RIOK3: variants seen among roughly 807,000 people sequenced by gnomAD.
RIOK3 encodes the protein serine/threonine-protein kinase RIO3.
RIOK3 carries 40 observed loss-of-function variants against 63.5 expected under a neutral mutation model. The observed-to-expected ratio is 0.63, with a 90% CI of 0.49 to 0.82. RIOK3 has a LOEUF of 0.82. Among genes scored for constraint, RIOK3 ranks in the 40% least tolerant of loss-of-function variants. The pLI is 0.00. For missense variants in RIOK3, 557 were observed against 637.0 expected (o/e 0.87, Z 1.35); for synonymous variants, 193 against 205.0 (o/e 0.94, Z 0.50).
chr18:23,481,500 AT>A lies in RIOK3; in HGVS notation c.*223del. The A allele has an allele frequency of 2.5e-6, 1 of 407,530 alleles. No individual in the cohort carries two copies. The highest frequency in any genetic ancestry group is 4.3e-6 in the Non-Finnish European group (1 of 230,936). 25.2% of individuals were successfully genotyped at this position (407,530 alleles called of 1,614,324 possible). A position where few individuals can be genotyped will look rare whatever the true frequency, so the allele number is the denominator to read the frequency against. ...CTCATCTTATGAACAGGATAATATA[AT>A]TCTTTAACAGCTATAGGTTATCTGG... On this transcript the variant is annotated 3_prime_UTR_variant, in exon 13 of 13. Transcript: ENST00000339486.
In RIOK3 at chr18:23,474,737, G is replaced by A. The variant is rs562133492; in HGVS notation, c.1014-211G>A. Among the ~76,000 whole-genome samples, 58 of 152,306 alleles carry A rather than the reference G, an allele frequency of 3.8e-4. No homozygotes were observed. In the Middle Eastern group the frequency reaches 0.01, roughly 27 times the overall value. ...AGCTCCTACCCATACCTCTGCCAGT[G>A]CGTAATTGTAATTGTCTCTTGTCTG... On this transcript the variant is annotated intron_variant, in intron 8 of 12. Transcript: ENST00000339486.
In RIOK3 at chr18:23,467,323, A is replaced by G. The variant is rs918336528; in HGVS notation, c.688-76A>G. 7 of 1,454,642 alleles carry G rather than the reference A, an allele frequency of 4.8e-6. No homozygotes were observed. In the African/African-American group the frequency reaches 1.0e-4, roughly 21 times the overall value. 90.1% of individuals were successfully genotyped at this position (1,454,642 alleles called of 1,614,324 possible). On this transcript the variant is annotated intron_variant, in intron 6 of 12. Transcript: ENST00000339486. ...GAGCAAGACTCCGTCTCAAAAAAAA[A>G]AAGTTATTAGAAGTGGCTCAGAAAA...
chr18:23,460,380 TA>T (rs1238990651), intron 1 of RIOK3, among the ~76,000 whole-genome samples: 5 of 152,228 alleles, frequency 3.3e-5, no homozygotes, highest in Non-Finnish European at 7.3e-5. Context: ...AGGGAAGCTG[TA>T]TAGCAAAATG....
intron 7 of RIOK3, among the ~76,000 whole-genome samples, chr18:23,470,975 G>A (rs1265031754): frequency 6.6e-6 from 1 of 152,160 alleles, no homozygotes; most frequent in Non-Finnish European, 1.5e-5. Context: ...AGTTATTAGA[G>A]ATTTCTTCCC....
rs575852516 is a variant in RIOK3, at chr18:23,477,321, AT to A, written c.1344+58del. 3,126 of 1,355,934 alleles carry A rather than the reference AT, an allele frequency of 2.3e-3. 5 individuals carry two copies. Among genetic ancestry groups the A allele is most frequent in the Middle Eastern group, 2.9e-3 (16 of 5,528 alleles). 84.0% of individuals were successfully genotyped at this position (1,355,934 alleles called of 1,614,324 possible). On this transcript the variant is annotated intron_variant, in intron 11 of 12. Coordinates refer to ENST00000339486, the MANE Select transcript of RIOK3 (RefSeq NM_003831.5). Reference sequence around the variant, plus strand: ...TTTGTTGGATGTAACAGCTGCAGGTATTTTTCTCACTCCTAAGATAAGTAAG... The same window carrying A: ...TTTGTTGGATGTAACAGCTGCAGGTATTTTCTCACTCCTAAGATAAGTAAG...
intron 7 of RIOK3, among the ~76,000 whole-genome samples, chr18:23,468,137 G>T (rs1042415809): frequency 6.6e-6 from 1 of 152,076 alleles, no homozygotes; most frequent in African/African-American, 2.4e-5. Flanking sequence ...CAGTGTGAGA[G>T]ATGAAAAGTA....
chr18:23,468,293 CTTTTTTTTTTTT>C (rs1245472469), intron 7 of RIOK3, among the ~76,000 whole-genome samples: 1 of 46,448 alleles, frequency 2.2e-5, no homozygotes, highest in African/African-American at 1.0e-4. Context: ...CAATATACTC[CTTTTTTTTTTTT>C]TTTTTTTTTT....
At chr18:23,469,142 A>G (rs922165465) in intron 7 of RIOK3, among the ~76,000 whole-genome samples, 2 of 152,152 alleles carry the variant, frequency 1.3e-5, no homozygotes, top group Non-Finnish European at 2.9e-5. Flanking sequence ...ACTTAGTGTT[A>G]TGTTATCATG....
intron 1 of RIOK3, among the ~76,000 whole-genome samples, chr18:23,455,739 A>G (rs759246716): frequency 2.2e-4 from 33 of 151,452 alleles, no homozygotes; most frequent in Non-Finnish European, 4.3e-4. Flanking sequence ...TTGACCTTGC[A>G]GGCTCCCACC....
intron 9 of RIOK3, among the ~76,000 whole-genome samples, chr18:23,475,355 C>T (rs1196909724): frequency 2.0e-5 from 3 of 149,346 alleles, no homozygotes; most frequent in African/African-American, 7.4e-5. Flanking sequence ...CCCAGCTACT[C>T]GGGATGCTGA....
At chr18:23,463,652 GC>G (rs1203275595) in intron 2 of RIOK3, among the ~76,000 whole-genome samples, 1 of 151,926 alleles carries the variant, frequency 6.6e-6, no homozygotes, top group East Asian at 1.9e-4. Flanking sequence ...CAGATGATCC[GC>G]CAGCCTCAGC....
In RIOK3 at chr18:23,477,175, A is replaced by G. The variant is rs1421608743; in HGVS notation, c.1255-4A>G. The G allele has an allele frequency of 1.2e-6, 2 of 1,613,860 alleles. No individual in the cohort carries two copies. Among genetic ancestry groups the G allele is most frequent in the Non-Finnish European group, 1.7e-6 (2 of 1,179,842 alleles). On this transcript the variant is annotated splice_polypyrimidine_tract_variant and splice_region_variant and intron_variant, in intron 10 of 12. Coordinates refer to ENST00000339486, the MANE Select transcript of RIOK3 (RefSeq NM_003831.5). ...ACATCAGTTCATGTTCTGTATTGAA[A>G]TAGGTCTGGTTGATCGATGTCAGTC...
chr18:23,464,696 C>G (rs2057394775), intron 5 of RIOK3, 68 bp downstream of exon 5: 1 of 874,370 alleles, frequency 1.1e-6, no homozygotes, highest in Non-Finnish European at 1.7e-6. Flanking sequence ...AAACAGGATT[C>G]TAAATATAAT....
chr18:23,455,108 A>G (rs958760441), intron 1 of RIOK3, among the ~76,000 whole-genome samples: 19 of 144,350 alleles, frequency 1.3e-4, no homozygotes, highest in Non-Finnish European at 2.9e-4. Context: ...GTCTCGCCCT[A>G]TCGCCCAGGC....
chr18:23,479,220 C>T (rs1254182572), intron 11 of RIOK3, 97 bp from the exon 12 acceptor site: 4 of 709,634 alleles, frequency 5.6e-6, no homozygotes, highest in African/African-American at 5.3e-5. Context: ...CACGTGCATG[C>T]ATCCAAGTCT....
chr18:23,473,444 G>A lies in RIOK3; in HGVS notation c.831G>A (p.Lys277=), dbSNP rs1244794361. Residue 277 remains lysine, a synonymous_variant, in exon 8 of 13, where the codon AAG becomes AAA. Coordinates refer to ENST00000339486, the MANE Select transcript of RIOK3 (RefSeq NM_003831.5). Reference sequence around the variant, plus strand: ...TTCCACTTAGCATGGAGGATGAAAAGGAAGATAGTAAAGTTATACCTACAG... The same window carrying A: ...TTCCACTTAGCATGGAGGATGAAAAAGAAGATAGTAAAGTTATACCTACAG... ...HAYGGSMEDE[K]EDSKVIPTEC... is the part of the protein sequence containing the mutation. 6.2e-6 allele frequency: 10 copies of A among 1,607,064 alleles called. No homozygotes were observed. The highest frequency in any genetic ancestry group is 8.5e-6 in the Non-Finnish European group (10 of 1,176,650).
intron 6 of RIOK3, among the ~76,000 whole-genome samples, 166 bp downstream of exon 6, chr18:23,466,442 CACT>C (rs948550700): frequency 6.6e-6 from 1 of 151,924 alleles, no homozygotes; most frequent in African/African-American, 2.4e-5. Context: ...CCTGTAATCC[CACT>C]ACTTTGGGAT....
At chr18:23,479,289 T>C (rs1254174202) in intron 11 of RIOK3, 28 bp from the exon 12 acceptor site, 4 of 1,407,416 alleles carry the variant, frequency 2.8e-6, no homozygotes, top group Non-Finnish European at 4.0e-6. Flanking sequence ...TAATACTTCT[T>C]ACTGACTTTC....
intron 6 of RIOK3, 134 bp from the exon 7 acceptor site, chr18:23,467,265 G>T: frequency 1.6e-6 from 1 of 625,436 alleles, no homozygotes. Flanking sequence ...AGTGATCAGA[G>T]ATGGTGCCAT....
Sources: gnomAD v4.1 joint callset for allele counts (sites outside exome capture counted in the v4.1 genomes callset) on GRCh38, gnomAD v4.1.1 for gene constraint, MANE v1.5 for transcripts, NCBI Gene and HGNC (gene_info 2026-07-23, HGNC 2026-07-21) for gene names.